The following FGF14 variants were observed in gnomAD, a reference collection of about 807,000 sequenced individuals.
FGF14 encodes fibroblast growth factor 14.
Under a neutral mutation model 25.5 loss-of-function variants are expected in FGF14, and 5 were observed. The observed-to-expected ratio is 0.20, with a 90% CI of 0.10 to 0.41. The LOEUF (loss-of-function observed/expected upper bound fraction) is 0.41. Among genes scored for constraint, FGF14 ranks in the 10% least tolerant of loss-of-function variants. The pLI is 1.00. For synonymous variants in FGF14, 138 were observed against 118.3 expected (o/e 1.17, Z -1.08); for missense variants, 222 against 320.1 (o/e 0.69, Z 2.34).
intron 1 of FGF14, among the ~76,000 whole-genome samples, chr13:102,286,971 A>C (rs2054130025): frequency 6.6e-6 from 1 of 151,452 alleles, no homozygotes; most frequent in African/African-American, 2.4e-5. Flanking sequence ...TTTGAGCTTT[A>C]ATAGTCATGG....
chr13:101,937,960 T>C (rs562040442), intron 1 of FGF14, among the ~76,000 whole-genome samples: 2 of 152,296 alleles, frequency 1.3e-5, no homozygotes, highest in Non-Finnish European at 2.9e-5. Context: ...AGAAAACTAA[T>C]ACATTATTTG....
chr13:102,204,533 CTTTTATTTTA>C (rs554070734), intron 1 of FGF14, among the ~76,000 whole-genome samples: 3 of 151,914 alleles, frequency 2.0e-5, no homozygotes, highest in South Asian at 2.1e-4. Context: ...GGGCAAGCAT[CTTTTATTTTA>C]TTTTATTTTA....
intron 3 of FGF14, among the ~76,000 whole-genome samples, chr13:101,800,663 A>T (rs17687001): frequency 0.016 from 2,473 of 152,272 alleles, 50 homozygotes; most frequent in South Asian, 0.073. Context: ...GACACTTTTG[A>T]TTGGCATATT....
At chr13:102,204,136 G>A (rs2049798195) in intron 1 of FGF14, among the ~76,000 whole-genome samples, 1 of 152,162 alleles carries the variant, frequency 6.6e-6, no homozygotes, top group Admixed American at 6.5e-5. Context: ...TCAGATTCGG[G>A]CAGGTTTTAC....
intron 1 of FGF14, among the ~76,000 whole-genome samples, chr13:102,318,801 G>A (rs1046173664): frequency 2.0e-5 from 3 of 152,098 alleles, no homozygotes; most frequent in African/African-American, 4.8e-5. Context: ...AGGGGGGCAC[G>A]TTTCAACCCA....
rs577388252 is a variant in FGF14 at position 101,764,985 on chromosome 13, G to A, written c.409-38175C>T. On this transcript the variant is annotated intron_variant, in intron 3 of 4. Transcript: ENST00000376143. Reference sequence around the variant, plus strand: ...AACTTCCCCCATCTAGAGTCTCTATGTGTTTGTCATAAAGTCATGCTTTAT... The same window carrying A: ...AACTTCCCCCATCTAGAGTCTCTATATGTTTGTCATAAAGTCATGCTTTAT... Among the ~76,000 whole-genome samples, 3 of 152,268 alleles carry A rather than the reference G, an allele frequency of 2.0e-5. No individual in the cohort carries two copies. The South Asian group carries it at 6.2e-4, about 32-fold the overall frequency.
At chr13:101,763,695 A>G (rs1485443945) in intron 3 of FGF14, among the ~76,000 whole-genome samples, 1 of 152,146 alleles carries the variant, frequency 6.6e-6, no homozygotes, top group Non-Finnish European at 1.5e-5. Flanking sequence ...CCCCATCTCT[A>G]GTGAAAATAC....
At chr13:101,723,656 C>T (rs565767386) in intron 4 of FGF14, among the ~76,000 whole-genome samples, 13 of 152,182 alleles carry the variant, frequency 8.5e-5, no homozygotes, top group African/African-American at 3.1e-4. Flanking sequence ...TGACATGATA[C>T]AGGGGCAGAA....
intron 1 of FGF14, among the ~76,000 whole-genome samples, chr13:102,329,001 T>A (rs2056550667): frequency 6.6e-6 from 1 of 152,136 alleles, no homozygotes; most frequent in African/African-American, 2.4e-5. Context: ...TTAAGAAGCC[T>A]AGGAGTTCCA....
chr13:101,822,226 AG>A (rs1256327901), intron 3 of FGF14, among the ~76,000 whole-genome samples: 1 of 152,146 alleles, frequency 6.6e-6, no homozygotes, highest in Admixed American at 6.5e-5. Context: ...TTTCTGAAAT[AG>A]ATATGCTATT....
At chr13:101,842,986 A>G (rs1039910953) in intron 3 of FGF14, among the ~76,000 whole-genome samples, 1 of 152,034 alleles carries the variant, frequency 6.6e-6, no homozygotes, top group Non-Finnish European at 1.5e-5. Flanking sequence ...CATCCTAACG[A>G]CTGTTCGTCT....
chr13:101,723,268 AACACAC>A (rs36111495), intron 4 of FGF14, among the ~76,000 whole-genome samples: 2 of 150,038 alleles, frequency 1.3e-5, no homozygotes, highest in African/African-American at 4.9e-5. Flanking sequence ...CATGATGTAA[AACACAC>A]ACACACACAC....
chr13:102,001,086 G>A (rs970089447), intron 1 of FGF14, among the ~76,000 whole-genome samples: 5 of 152,072 alleles, frequency 3.3e-5, no homozygotes, highest in Admixed American at 2.0e-4. Context: ...GTGATGTCAT[G>A]GAAACCAAGA....
intron 1 of FGF14, among the ~76,000 whole-genome samples, chr13:102,331,700 C>T (rs558771141): frequency 7.4e-4 from 112 of 152,180 alleles, no homozygotes; most frequent in African/African-American, 2.4e-3. Context: ...CTACATGAAA[C>T]GCACAATGAA....
rs540517761 is a variant in FGF14, at chr13:101,955,075, A to G, written c.209-79779T>C. On this transcript the variant is annotated intron_variant, in intron 1 of 4. Transcript: ENST00000376131. ...TTATTTGAACAAAGCTGCCACCTGT[A>G]CTGAGGCCTCTAACTCTTGAATAGT... 2.6e-5 allele frequency among the ~76,000 whole-genome samples: 4 copies of G among 152,334 alleles called. No homozygotes were observed. The South Asian group carries it at 8.3e-4, about 32-fold the overall frequency.
chr13:102,040,165 T>C (rs934603477), intron 1 of FGF14, among the ~76,000 whole-genome samples: 1 of 152,054 alleles, frequency 6.6e-6, no homozygotes, highest in Non-Finnish European at 1.5e-5. Flanking sequence ...AGATCTCCCA[T>C]TACTCTAAAA....
intron 1 of FGF14, among the ~76,000 whole-genome samples, chr13:101,933,308 G>C (rs2034888695): frequency 2.0e-5 from 3 of 152,104 alleles, no homozygotes; most frequent in African/African-American, 7.2e-5. Context: ...GGAGGTTAGA[G>C]GTTCTTCCAT....
At chr13:101,881,402 T>A (rs2045702690) in intron 1 of FGF14, among the ~76,000 whole-genome samples, 1 of 152,236 alleles carries the variant, frequency 6.6e-6, no homozygotes, top group Admixed American at 6.5e-5. Context: ...TTGTCCCACC[T>A]TATTTATTCA....
At chr13:101,893,364 T>C (rs560048190) in intron 1 of FGF14, among the ~76,000 whole-genome samples, 33 of 152,276 alleles carry the variant, frequency 2.2e-4, no homozygotes, top group African/African-American at 7.7e-4. Context: ...GCATTAACCA[T>C]GATGTATTGT....
Sources: allele counts gnomAD v4.1 joint callset (sites outside exome capture counted in the v4.1 genomes callset), GRCh38; gene constraint gnomAD v4.1.1; transcripts MANE v1.5; gene names NCBI Gene and HGNC (gene_info 2026-07-23, HGNC 2026-07-21).